SELE: variants seen among roughly 807,000 people sequenced by gnomAD.
The protein encoded by SELE is E-selectin.
Under a neutral mutation model 75.8 loss-of-function variants are expected in SELE, and 52 were observed. That is an observed-to-expected ratio of 0.69 (90% CI 0.55 to 0.86). SELE has a LOEUF of 0.86. Among genes scored for constraint, SELE ranks in the 40% least tolerant of loss-of-function variants. SELE has a pLI of 0.00. For synonymous variants in SELE, 285 were observed against 258.7 expected, an observed-to-expected ratio of 1.10 and a Z score of -0.98; for missense variants, 754 against 732.7, an observed-to-expected ratio of 1.03 and a Z score of -0.34.
chr1:169,728,065 TG>T lies in SELE; in HGVS notation c.1271del (p.Thr424AsnfsTer5). 2 of 1,611,780 alleles carry T rather than the reference TG, an allele frequency of 1.2e-6. No homozygotes were observed. The highest frequency in any genetic ancestry group is 1.7e-6 in the Non-Finnish European group (2 of 1,179,420). On this transcript the variant is annotated frameshift_variant, in exon 8 of 14. Coordinates refer to ENST00000333360, the MANE Select transcript of SELE (RefSeq NM_000450.2). LOFTEE classifies it high-confidence loss of function. ...PTGEWDNEKP[T>X]CEAVRCDAVH... ...TAAAAACAAAGACTGTACCTTCACA[TG>T]TGGGCTTCTCGTTGTCCCACTCCCC... is the stretch of plus-strand genomic sequence containing the variant.
Position 169,728,172 on chromosome 1 carries a change from G to A in SELE, c.1165C>T (p.Arg389Cys), listed in dbSNP as rs73041408. 1,271 of 1,614,164 alleles carry A rather than the reference G, an allele frequency of 7.9e-4. 10 individuals are homozygous for A. In the African/African-American group the frequency reaches 0.014, roughly 17 times the overall value. The change falls in exon 8 of 14, where the codon CGT becomes TGT. Residue 389 changes from arginine (R) to cysteine (C), a missense_variant. Arg to Cys is a radical substitution (Grantham distance 180). Coordinates refer to ENST00000333360, the MANE Select transcript of SELE (RefSeq NM_000450.2). ...NCLPSASGSF[R>C]YGSSCEFSCE... The stretch of plus-strand genomic sequence containing the variant: ...GAGAACTCACAGCTGGACCCATAAC[G>A]GAAACTGCCAGAAGCACTAGGAAGA...
Position 169,727,908 on chromosome 1 carries a change from G to A in SELE, c.1299C>T (p.Val433=), listed in dbSNP as rs1648815883. The change falls in exon 9 of 14, where the codon GTC becomes GTT. Residue 433 remains valine (V), a synonymous_variant. Transcript: ENST00000333360. ...TCACCAAACCCTTCGGGGGCTGGTG[G>A]ACAGCATCGCATCTCACAGCTGGAA... ...PTCEAVRCDA[V]HQPPKGLVRC... The A allele has an allele frequency of 6.2e-7, 1 of 1,613,844 alleles. No individual in the cohort carries two copies. Among genetic ancestry groups the A allele is most frequent in the Non-Finnish European group, 8.5e-7 (1 of 1,179,872 alleles).
chr1:169,730,138 G>A lies in SELE; in HGVS notation c.715+294C>T, dbSNP rs570622388. 5.9e-5 allele frequency among the ~76,000 whole-genome samples: 9 copies of A among 152,150 alleles called. No homozygotes were observed. In the South Asian group the frequency reaches 1.9e-3, roughly 32 times the overall value. On this transcript the variant is annotated intron_variant, in intron 5 of 13. Transcript: ENST00000333360. ...TCCCATGGCTTGGAAAAGTTAAACA[G>A]GGAAACAAGATGAGAAATCCATTGA...
intron 5 of SELE, 98 bp from the exon 6 acceptor site, chr1:169,729,771 A>C: frequency 8.7e-7 from 1 of 1,147,696 alleles, no homozygotes; most frequent in Non-Finnish European, 1.3e-6. Flanking sequence ...CTGCCTTCAA[A>C]GGGTAGATCC....
At chr1:169,729,971 A>T (rs1357792813) in intron 5 of SELE, among the ~76,000 whole-genome samples, 2 of 152,194 alleles carry the variant, frequency 1.3e-5, no homozygotes, top group Non-Finnish European at 2.9e-5. Flanking sequence ...ACTAGTACTG[A>T]CATACGTAGG....
chr1:169,731,794 C>T, intron 4 of SELE, 41 bp downstream of exon 4: 1 of 1,332,362 alleles, frequency 7.5e-7, no homozygotes, highest in Non-Finnish European at 1.1e-6. Context: ...TGAGATGGTG[C>T]TACCATCTCA....
chr1:169,732,633 G>A lies in SELE; in HGVS notation c.403C>T (p.Leu135Phe). The change falls in exon 3 of 14, where the codon CTT (leucine) becomes TTT (phenylalanine). Residue 135 changes from leucine to phenylalanine, a missense_variant. Coordinates refer to ENST00000333360, the MANE Select transcript of SELE (RefSeq NM_000450.2). ...TCCCTACCTGTGTAGCATAGGGCAA[G>A]CTTCTTCTTGCTGCACCTCTCATCA... Reference protein sequence around the residue: ...WNDERCSKKKLALCYTAACTN... With the variant: ...WNDERCSKKKFALCYTAACTN... The A allele has an allele frequency of 6.2e-7, 1 of 1,602,770 alleles. No homozygotes were observed. Among genetic ancestry groups the A allele is most frequent in the South Asian group, 1.1e-5 (1 of 88,570 alleles).
chr1:169,723,623 A>G lies in SELE; in HGVS notation c.*902T>C, dbSNP rs1285489039. 6.6e-6 allele frequency: 1 copy of G among 152,256 alleles called. No individual in the cohort carries two copies. The highest frequency in any genetic ancestry group is 2.4e-5 in the African/African-American group (1 of 41,470). 9.4% of individuals were successfully genotyped at this position (152,256 alleles called of 1,614,324 possible). ...AATTCTACCATGTTTTCAAAAAACAACTGTAGTAAAAACACTCAGAACTTT... is the reference window on the plus strand; with the variant it reads ...AATTCTACCATGTTTTCAAAAAACAGCTGTAGTAAAAACACTCAGAACTTT... On this transcript the variant is annotated 3_prime_UTR_variant, in exon 14 of 14. Transcript: ENST00000333360.
intron 4 of SELE, among the ~76,000 whole-genome samples, chr1:169,731,276 A>G (rs2101993104): frequency 6.6e-6 from 1 of 152,326 alleles, no homozygotes; most frequent in South Asian, 2.1e-4. Context: ...CTACTGCACA[A>G]CGCTGTGCTA....
chr1:169,728,892 G>A (rs182603711), intron 7 of SELE, among the ~76,000 whole-genome samples: 6 of 151,972 alleles, frequency 3.9e-5, no homozygotes, highest in African/African-American at 1.2e-4. Flanking sequence ...TCTGCTTTCC[G>A]AATTTTCTAA....
In SELE at chr1:169,728,247, C is replaced by G. The variant is rs1270032157; in HGVS notation, c.1091-1G>C. ...TTGGACAAGGCTGTGCACTGGAAAG[C>G]TGAGACATCAAAATGATGGTCAGAA... is the stretch of plus-strand genomic sequence containing the variant. On this transcript the variant is annotated splice_acceptor_variant, in intron 7 of 13. Coordinates refer to ENST00000333360, the MANE Select transcript of SELE (RefSeq NM_000450.2). LOFTEE classifies it high-confidence loss of function. The G allele has an allele frequency of 6.2e-7, 1 of 1,612,346 alleles. No homozygotes were observed.
chr1:169,729,143 G>A (rs780738057), intron 7 of SELE, 43 bp downstream of exon 7: 38 of 1,519,208 alleles, frequency 2.5e-5, no homozygotes, highest in Non-Finnish European at 3.3e-5. Context: ...TTTGAAGATG[G>A]TTGTTCTTTA....
intron 5 of SELE, 58 bp downstream of exon 5, chr1:169,730,374 A>G (rs1571146084): frequency 7.3e-7 from 1 of 1,377,848 alleles, no homozygotes; most frequent in South Asian, 1.7e-5. Flanking sequence ...TGAATCAAAA[A>G]ACAGAAGCAA....
chr1:169,733,444 C>T (rs1648968852), intron 2 of SELE, 132 bp downstream of exon 2: 1 of 865,770 alleles, frequency 1.2e-6, no homozygotes, highest in Non-Finnish European at 1.9e-6. Flanking sequence ...CAGGGAAGAA[C>T]ACATTGCAGG....
At chr1:169,731,779 G>T in intron 4 of SELE, 56 bp downstream of exon 4, 1 of 1,187,222 alleles carries the variant, frequency 8.4e-7, no homozygotes, top group Non-Finnish European at 1.3e-6. Context: ...ATGCCAGCTA[G>T]GACGTGAGAT....
Position 169,731,852 on chromosome 1 carries a change from C to T in SELE, c.512G>A (p.Gly171Glu), listed in dbSNP as rs1468358668. The change falls in exon 4 of 14, where the codon GGA becomes GAA. Residue 171 changes from glycine (G) to glutamate (E), a missense_variant. Physicochemically the swap from Gly to Glu is moderately conservative, Grantham distance 98 (BLOSUM62 -2). Transcript: ENST00000333360. ...AGACTTACTTTGCTCACACTTGAGT[C>T]CACTGAAGCCAGGGTCACACTTGCA... ...YTCKCDPGFS[G>E]LKCEQIVNCT... 6.2e-7 allele frequency: 1 copy of T among 1,613,078 alleles called. No homozygotes were observed. The highest frequency in any genetic ancestry group is 1.7e-5 in the Admixed American group (1 of 60,010).
chr1:169,733,796 T>C, intron 1 of SELE, 136 bp from the exon 2 acceptor site: 1 of 597,608 alleles, frequency 1.7e-6, no homozygotes. Flanking sequence ...TATTTCAGAG[T>C]TTAATCAAAT....
chr1:169,731,615 A>T (rs3917411), intron 4 of SELE: 39,687 of 470,774 alleles, frequency 0.084, 1,993 homozygotes, highest in Middle Eastern at 0.12. Flanking sequence ...GAAAACTGAC[A>T]TAGAGAGTTA....
Position 169,731,838 on chromosome 1 carries a change from G to T in SELE, c.526C>A (p.Gln176Lys), listed in dbSNP as rs765108957. ...DPGFSGLKCE[Q>K]IVNCTALESP... ...AAGAGGCAAGAACCAGACTTACTTT[G>T]CTCACACTTGAGTCCACTGAAGCCA... is the stretch of plus-strand genomic sequence containing the variant. The change falls in exon 4 of 14, where the codon CAA becomes AAA. Residue 176 changes from glutamine (Q) to lysine (K), a missense_variant. Coordinates refer to ENST00000333360, the MANE Select transcript of SELE (RefSeq NM_000450.2). The T allele has an allele frequency of 6.2e-7, 1 of 1,606,896 alleles. No homozygotes were observed. Among genetic ancestry groups the T allele is most frequent in the South Asian group, 1.1e-5 (1 of 90,954 alleles).
Sources: gnomAD v4.1 joint callset for allele counts (sites outside exome capture counted in the v4.1 genomes callset) on GRCh38, gnomAD v4.1.1 for gene constraint, MANE v1.5 for transcripts, NCBI Gene and HGNC (gene_info 2026-07-23, HGNC 2026-07-21) for gene names.